LAPTM5: variants seen among roughly 807,000 people sequenced by gnomAD.
LAPTM5 encodes the protein lysosomal-associated transmembrane protein 5.
LAPTM5 carries 11 observed loss-of-function variants against 30.1 expected under a neutral mutation model. The observed-to-expected ratio is 0.37, with a 90% CI of 0.23 to 0.60. The LOEUF is 0.60. LAPTM5 is among the 20% of genes least tolerant of loss of function. The pLI, the probability that LAPTM5 is intolerant of heterozygous loss-of-function variation, is 0.71. For synonymous variants in LAPTM5, 151 were observed against 137.9 expected, an observed-to-expected ratio of 1.10 and a Z score of -0.67; for missense variants, 324 against 332.5, an observed-to-expected ratio of 0.97 and a Z score of 0.20.
At chr1:30,754,256 G>A (rs1640178764) in intron 1 of LAPTM5, among the ~76,000 whole-genome samples, 1 of 152,146 alleles carries the variant, frequency 6.6e-6, no homozygotes, top group South Asian at 2.1e-4. Flanking sequence ...TCTAGACTGG[G>A]CTCGGTGGCT....
chr1:30,733,969 T>C, intron 7 of LAPTM5, 52 bp from the exon 8 acceptor site: 2 of 1,576,354 alleles, frequency 1.3e-6, no homozygotes, highest in Non-Finnish European at 1.7e-6. Context: ...TGACCTGCAA[T>C]TCCAACCTGG....
chr1:30,735,323 A>T, intron 6 of LAPTM5, 58 bp from the exon 7 acceptor site: 1 of 1,439,150 alleles, frequency 6.9e-7, no homozygotes. Flanking sequence ...ACGCTCCAGC[A>T]GGCCTAGGAC....
At chr1:30,754,097 T>G (rs1443076793) in intron 1 of LAPTM5, among the ~76,000 whole-genome samples, 1 of 152,226 alleles carries the variant, frequency 6.6e-6, no homozygotes, top group African/African-American at 2.4e-5. Flanking sequence ...GACAGTGGAA[T>G]TCCGGGCACT....
intron 6 of LAPTM5, 61 bp downstream of exon 6, chr1:30,737,543 G>A (rs1342449876): frequency 3.1e-6 from 4 of 1,273,034 alleles, no homozygotes; most frequent in Non-Finnish European, 4.6e-6. Flanking sequence ...GGCATGGGCA[G>A]GCCTGGGCCC....
rs1569857936 is a variant in LAPTM5 at position 30,739,924 on chromosome 1, T to C, written c.272A>G (p.Tyr91Cys). Residue 91 changes from tyrosine (Y) to cysteine (C), a missense_variant, in exon 4 of 8, where the codon TAC (tyrosine) becomes TGC (cysteine). Tyr to Cys is a radical substitution (Grantham distance 194). Coordinates refer to ENST00000294507, the MANE Select transcript of LAPTM5 (RefSeq NM_006762.3). The surrounding 1 kb of genome is among the most constrained non-coding windows in gnomAD (Gnocchi z 4.2). ...LIGVVKNREK[Y>C]LLPFLSLQIM... is the part of the protein sequence containing the mutation. ...TTGCAGGGACAGGAAGGGCAGCAGG[T>C]ACTTCTCCCGGTTCTGAAAGGTAGG... is the stretch of plus-strand genomic sequence containing the variant. The C allele has an allele frequency of 6.3e-7, 1 of 1,598,812 alleles. No individual in the cohort carries two copies. The highest frequency in any genetic ancestry group is 8.5e-7 in the Non-Finnish European group (1 of 1,171,220).
intron 1 of LAPTM5, among the ~76,000 whole-genome samples, chr1:30,751,193 G>T (rs1317217309): frequency 6.6e-6 from 1 of 152,248 alleles, no homozygotes; most frequent in Non-Finnish European, 1.5e-5. Flanking sequence ...AGAAGCTGGG[G>T]TTCACACCCC....
In LAPTM5 at chr1:30,739,945, G is replaced by A. The variant is rs773246740; in HGVS notation, c.259-8C>T. 10 of 1,586,552 alleles carry A rather than the reference G, an allele frequency of 6.3e-6. No homozygotes were observed. The highest frequency in any genetic ancestry group is 1.7e-5 in the Admixed American group (1 of 57,322). On this transcript the variant is annotated splice_region_variant and splice_polypyrimidine_tract_variant and intron_variant, in intron 3 of 7. Coordinates refer to ENST00000294507, the MANE Select transcript of LAPTM5 (RefSeq NM_006762.3). This position sits in a 1 kb window ranked among gnomAD's most constrained non-coding sequence, Gnocchi z 4.2. ...CAGGTACTTCTCCCGGTTCTGAAAG[G>A]TAGGCCCAGCACCGTCAAGTGTCCC...
At chr1:30,752,136 C>A (rs1640146546) in intron 1 of LAPTM5, among the ~76,000 whole-genome samples, 1 of 152,166 alleles carries the variant, frequency 6.6e-6, no homozygotes, top group Non-Finnish European at 1.5e-5. Flanking sequence ...GACAGACACA[C>A]CACCCCAGCC....
chr1:30,736,060 G>T (rs1377160116), intron 6 of LAPTM5, among the ~76,000 whole-genome samples: 1 of 152,172 alleles, frequency 6.6e-6, no homozygotes, highest in African/African-American at 2.4e-5. Flanking sequence ...CAGAAGGGGA[G>T]CTGGGGGACG....
At chr1:30,735,135 T>A (rs1273362726) in intron 7 of LAPTM5, 38 bp downstream of exon 7, 2 of 1,453,660 alleles carry the variant, frequency 1.4e-6, no homozygotes, top group South Asian at 2.3e-5. Context: ...CACAGGGAGT[T>A]AGTGACAGGG....
chr1:30,742,518 G>A lies in LAPTM5; in HGVS notation c.119C>T (p.Ser40Leu), dbSNP rs752182650. ...IMSVLLFIEH[S>L]VEVAHGKASC... ...CGCCTTGCCATGGGCCACCTCTACT[G>A]AGTGCTCGATGAACAACAAGACGCT... Residue 40 changes from serine (S) to leucine (L), a missense_variant, in exon 2 of 8, where the codon TCA becomes TTA. Coordinates refer to ENST00000294507, the MANE Select transcript of LAPTM5 (RefSeq NM_006762.3). 5.6e-6 allele frequency: 9 copies of A among 1,613,560 alleles called. No individual in the cohort carries two copies. The African/African-American group carries it at 6.7e-5, about 12-fold the overall frequency.
chr1:30,752,172 C>T (rs746771600), intron 1 of LAPTM5, among the ~76,000 whole-genome samples: 2 of 152,204 alleles, frequency 1.3e-5, no homozygotes, highest in South Asian at 4.1e-4. Context: ...AACTCATTTG[C>T]CCACTTTCTG....
Position 30,739,098 on chromosome 1 carries a change from G to C in LAPTM5, c.388-36C>G. 2 of 1,559,326 alleles carry C rather than the reference G, an allele frequency of 1.3e-6. No individual in the cohort carries two copies. The highest frequency in any genetic ancestry group is 1.7e-6 in the Non-Finnish European group (2 of 1,150,498). Reference sequence around the variant, plus strand: ...CAAATACAAGGAGGAGGAATGAGGAGCAGCAATTAAAGTCCCAGTTACTGA... The same window carrying C: ...CAAATACAAGGAGGAGGAATGAGGACCAGCAATTAAAGTCCCAGTTACTGA... On this transcript the variant is annotated intron_variant, in intron 4 of 7. Transcript: ENST00000294507. The surrounding 1 kb of genome is among the most constrained non-coding windows in gnomAD (Gnocchi z 4.2).
chr1:30,756,000 G>A (rs1557470295), intron 1 of LAPTM5, among the ~76,000 whole-genome samples: 2 of 152,198 alleles, frequency 1.3e-5, no homozygotes, highest in Non-Finnish European at 2.9e-5. Flanking sequence ...AGAGGCATCA[G>A]AGTTGGAGAC....
At chr1:30,740,030 C>T (rs1178582057) in intron 3 of LAPTM5, 93 bp from the exon 4 acceptor site, 4 of 1,391,374 alleles carry the variant, frequency 2.9e-6, no homozygotes, top group Non-Finnish European at 3.8e-6. Context: ...CCTTCCCACC[C>T]TCTCCCAAAC....
At chr1:30,756,490 C>T (rs900111950) in intron 1 of LAPTM5, among the ~76,000 whole-genome samples, 1 of 152,248 alleles carries the variant, frequency 6.6e-6, no homozygotes, top group African/African-American at 2.4e-5. Context: ...TTCACATCCC[C>T]ATTTTTTTAA....
chr1:30,737,535 C>A, intron 6 of LAPTM5, 69 bp downstream of exon 6: 1 of 1,129,008 alleles, frequency 8.9e-7, no homozygotes, highest in South Asian at 1.3e-5. Flanking sequence ...AACAGCTTGG[C>A]ATGGGCAGGC....
intron 1 of LAPTM5, among the ~76,000 whole-genome samples, chr1:30,750,023 C>T (rs999499985): frequency 6.6e-6 from 1 of 152,148 alleles, no homozygotes; most frequent in African/African-American, 2.4e-5. Flanking sequence ...GCTCAGATGG[C>T]GCTGGAGGAG....
intron 1 of LAPTM5, among the ~76,000 whole-genome samples, chr1:30,747,012 G>T (rs1402504210): frequency 6.6e-6 from 1 of 152,172 alleles, no homozygotes; most frequent in Non-Finnish European, 1.5e-5. Context: ...TGGCGTGCCG[G>T]TGTCACAGTC....
Sources: gnomAD v4.1 joint callset for allele counts (sites outside exome capture counted in the v4.1 genomes callset) on GRCh38, gnomAD v4.1.1 for gene constraint, Gnocchi (gnomAD v3.1) non-coding constraint, MANE v1.5 for transcripts, NCBI Gene and HGNC (gene_info 2026-07-23, HGNC 2026-07-21) for gene names.